GSDMC: variants seen among roughly 807,000 people sequenced by gnomAD.
GSDMC encodes gasdermin C, also known as gasdermin-C.
In GSDMC, 59 loss-of-function variants were observed where a neutral mutation model predicts 58.0. That is an observed-to-expected ratio of 1.02 (90% CI 0.82 to 1.26). The LOEUF (loss-of-function observed/expected upper bound fraction) is 1.26, where lower values mean the gene tolerates loss of function less well. Ranked by LOEUF, GSDMC falls within the 50% of genes most tolerant of loss-of-function variation. The pLI is 0.00. For missense variants in GSDMC, 659 were observed against 598.5 expected (o/e 1.10, Z -1.06); for synonymous variants, 241 against 220.2 (o/e 1.09, Z -0.83).
chr8:129,735,834 C>T, the GSDMC span, among the ~76,000 whole-genome samples: 1 of 151,998 alleles, frequency 6.6e-6, no homozygotes, highest in Non-Finnish European at 1.5e-5. Flanking sequence ...GATAGAGACA[C>T]AAAAAACCCT....
chr8:129,764,742 T>C (rs978572480), intron 4 of GSDMC, among the ~76,000 whole-genome samples: 6 of 152,200 alleles, frequency 3.9e-5, no homozygotes, highest in Non-Finnish European at 7.3e-5. Flanking sequence ...ACATCTACCA[T>C]ATTCCCACAC....
chr8:129,722,234 T>C, the GSDMC span, among the ~76,000 whole-genome samples: 1 of 152,196 alleles, frequency 6.6e-6, no homozygotes, highest in East Asian at 1.9e-4. Context: ...GGAATAGCAA[T>C]TTGCAAGCAA....
intron 6 of GSDMC, among the ~76,000 whole-genome samples, chr8:129,757,411 A>T (rs946749708): frequency 6.6e-6 from 1 of 152,128 alleles, no homozygotes; most frequent in African/African-American, 2.4e-5. Context: ...TGTAATAAAA[A>T]GTCTCCCAGT....
At chr8:129,766,649 C>T (rs2033870497) in intron 3 of GSDMC, among the ~76,000 whole-genome samples, 1 of 152,144 alleles carries the variant, frequency 6.6e-6, no homozygotes, top group Non-Finnish European at 1.5e-5. Flanking sequence ...ACTGACCTTG[C>T]CCCTTATCCT....
Position 129,750,458 on chromosome 8 carries a change from T to C in GSDMC, c.1056A>G (p.Arg352=), listed in dbSNP as rs767950913. ...FYSILAMLRD[R]GALQDLMNML... Reference sequence around the variant, plus strand: ...TGTTCATCAGGTCCTGTAGAGCCCCTCTGTCTCTGAGCATGGCCAGGATAC... The same window carrying C: ...TGTTCATCAGGTCCTGTAGAGCCCCCCTGTCTCTGAGCATGGCCAGGATAC... Residue 352 remains arginine (R), a synonymous_variant, in exon 11 of 14, where the codon AGA becomes AGG. Transcript: ENST00000276708. 1.2e-6 allele frequency: 2 copies of C among 1,614,042 alleles called. No homozygotes were observed. Among genetic ancestry groups the C allele is most frequent in the Non-Finnish European group, 1.7e-6 (2 of 1,179,914 alleles).
At chr8:129,763,371 C>A (rs890240461) in intron 4 of GSDMC, among the ~76,000 whole-genome samples, 9 of 152,130 alleles carry the variant, frequency 5.9e-5, no homozygotes, top group African/African-American at 2.2e-4. Context: ...TGAAAATTCA[C>A]AGTTATGTTT....
At chr8:129,737,746 G>A in the GSDMC span, among the ~76,000 whole-genome samples, 2 of 152,122 alleles carry the variant, frequency 1.3e-5, no homozygotes, top group African/African-American at 4.8e-5. Context: ...CAGGACATAG[G>A]CATGGGCAAG....
the GSDMC span, among the ~76,000 whole-genome samples, chr8:129,723,197 A>C: frequency 3.9e-5 from 6 of 152,058 alleles, no homozygotes; most frequent in Non-Finnish European, 7.4e-5. Context: ...CACCCTCTGC[A>C]CTGCTAGGTG....
the GSDMC span, among the ~76,000 whole-genome samples, chr8:129,739,631 G>T: frequency 6.6e-5 from 10 of 152,162 alleles, no homozygotes; most frequent in Non-Finnish European, 1.2e-4. Context: ...TAATATCCTG[G>T]CAGAACTCAT....
the GSDMC span, among the ~76,000 whole-genome samples, chr8:129,705,800 T>G: frequency 6.6e-6 from 1 of 151,556 alleles, no homozygotes; most frequent in East Asian, 1.9e-4. Context: ...AGGGGAGGAG[T>G]AGAAGAGAGG....
intron 12 of GSDMC, among the ~76,000 whole-genome samples, 162 bp from the exon 13 acceptor site, chr8:129,749,687 G>T (rs1329747654): frequency 6.6e-6 from 1 of 152,130 alleles, no homozygotes; most frequent in Non-Finnish European, 1.5e-5. Context: ...CCTTCAGAAT[G>T]GTCTCCAGGA....
intron 3 of GSDMC, among the ~76,000 whole-genome samples, chr8:129,768,578 G>A (rs1212271002): frequency 6.6e-6 from 1 of 152,108 alleles, no homozygotes; most frequent in Non-Finnish European, 1.5e-5. Context: ...AAAAAGTTTA[G>A]GAAAGTTTCA....
At chr8:129,725,690 T>C in the GSDMC span, among the ~76,000 whole-genome samples, 1 of 152,090 alleles carries the variant, frequency 6.6e-6, no homozygotes, top group African/African-American at 2.4e-5. Flanking sequence ...GAAAAGCTTG[T>C]TGGGCATCAA....
At chr8:129,730,194 A>G in the GSDMC span, 2 of 1,199,692 alleles carry the variant, frequency 1.7e-6, no homozygotes, top group Non-Finnish European at 2.3e-6. Context: ...ACTGTACAAC[A>G]TGTATCTAGA....
chr8:129,764,137 C>T (rs2033774827), intron 4 of GSDMC, among the ~76,000 whole-genome samples: 1 of 152,016 alleles, frequency 6.6e-6, no homozygotes, highest in Admixed American at 6.5e-5. Context: ...TTCCTAACTT[C>T]AAAGTGTTTT....
chr8:129,718,584 G>A, the GSDMC span, among the ~76,000 whole-genome samples: 385 of 152,302 alleles, frequency 2.5e-3, 2 homozygotes, highest in African/African-American at 8.9e-3. Context: ...ACTGTTGGTG[G>A]GAGTATAAAT....
intron 3 of GSDMC, 75 bp from the exon 4 acceptor site, chr8:129,765,868 C>G: frequency 7.9e-7 from 1 of 1,258,028 alleles, no homozygotes; most frequent in Non-Finnish European, 1.1e-6. Context: ...GGGTGCCCTT[C>G]TCCCCAAGAC....
At chr8:129,763,322 T>C (rs2033741195) in intron 4 of GSDMC, among the ~76,000 whole-genome samples, 2 of 152,234 alleles carry the variant, frequency 1.3e-5, no homozygotes, top group Non-Finnish European at 2.9e-5. Flanking sequence ...TATTTCCCTT[T>C]TAGAAATATT....
the GSDMC span, among the ~76,000 whole-genome samples, chr8:129,733,058 C>T: frequency 6.6e-6 from 1 of 152,240 alleles, no homozygotes; most frequent in Non-Finnish European, 1.5e-5. Context: ...TTGCTCACTG[C>T]TAGCGCAGCA....
Sources: gnomAD v4.1 joint callset for allele counts (sites outside exome capture counted in the v4.1 genomes callset) on GRCh38, gnomAD v4.1.1 for gene constraint, MANE v1.5 for transcripts, NCBI Gene and HGNC (gene_info 2026-07-23, HGNC 2026-07-21) for gene names.